The following SUGCT variants were observed in gnomAD, a reference collection of about 807,000 sequenced individuals.
SUGCT encodes succinyl-CoA:glutarate-CoA transferase.
In SUGCT, 41 loss-of-function variants were observed where a neutral mutation model predicts 55.0. That is an observed-to-expected ratio of 0.74 (90% CI 0.58 to 0.97). SUGCT has a LOEUF of 0.97. Among genes scored for constraint, SUGCT ranks in the 50% least tolerant of loss-of-function variants. The pLI is 0.00. For missense variants in SUGCT, 568 were observed against 547.8 expected (o/e 1.04, Z -0.37); for synonymous variants, 187 against 200.4 (o/e 0.93, Z 0.56).
chr7:40,414,479 G>T (rs968945281), intron 9 of SUGCT, among the ~76,000 whole-genome samples: 3 of 152,110 alleles, frequency 2.0e-5, no homozygotes, highest in Non-Finnish European at 4.4e-5. Flanking sequence ...AAGCAGATGA[G>T]GGGGGACTAC....
chr7:40,520,129 G>A (rs1018127505), intron 12 of SUGCT, among the ~76,000 whole-genome samples: 1 of 152,108 alleles, frequency 6.6e-6, no homozygotes, highest in Admixed American at 6.6e-5. Flanking sequence ...TCCGACTTAA[G>A]AGTTGACCAT....
intron 8 of SUGCT, among the ~76,000 whole-genome samples, chr7:40,297,760 C>T (rs949648130): frequency 3.3e-5 from 5 of 152,078 alleles, no homozygotes; most frequent in Non-Finnish European, 5.9e-5. Context: ...ACAAACTGCT[C>T]TTGACTCTAA....
chr7:40,378,975 T>G (rs1250143913), intron 9 of SUGCT, among the ~76,000 whole-genome samples: 5 of 152,180 alleles, frequency 3.3e-5, no homozygotes, highest in Non-Finnish European at 5.9e-5. Flanking sequence ...GTTAAGGATC[T>G]TGAGGGGTGG....
chr7:40,438,824 C>A (rs570853247), intron 9 of SUGCT, among the ~76,000 whole-genome samples: 1 of 151,472 alleles, frequency 6.6e-6, no homozygotes, highest in South Asian at 2.1e-4. Context: ...GTGAGGCAAC[C>A]AACAGAATGA....
At chr7:40,777,824 G>A (rs1218782809) in intron 13 of SUGCT, among the ~76,000 whole-genome samples, 2 of 152,118 alleles carry the variant, frequency 1.3e-5, no homozygotes, top group Non-Finnish European at 2.9e-5. Context: ...CCTGGGAGAA[G>A]CCAAACGACC....
At chr7:40,739,284 A>G (rs1042251285) in intron 12 of SUGCT, among the ~76,000 whole-genome samples, 6 of 152,012 alleles carry the variant, frequency 3.9e-5, no homozygotes, top group African/African-American at 1.4e-4. Context: ...GAGACCCCCA[A>G]TCTGTTCTCT....
At chr7:40,159,989 G>A (rs1784069484) in intron 1 of SUGCT, among the ~76,000 whole-genome samples, 1 of 152,208 alleles carries the variant, frequency 6.6e-6, no homozygotes, top group South Asian at 2.1e-4. Flanking sequence ...AAGCATGCTT[G>A]ATATGGCCTT....
chr7:40,143,000 T>C (rs1475324750), intron 1 of SUGCT, among the ~76,000 whole-genome samples: 2 of 152,230 alleles, frequency 1.3e-5, no homozygotes, highest in East Asian at 3.8e-4. Flanking sequence ...TTTTGGGGTT[T>C]AAATTGATCT....
At chr7:40,553,119 T>G (rs1477325834) in intron 12 of SUGCT, among the ~76,000 whole-genome samples, 1 of 152,242 alleles carries the variant, frequency 6.6e-6, no homozygotes, top group East Asian at 1.9e-4. Flanking sequence ...TAATTACTTT[T>G]GGACTTGTGT....
At chr7:40,262,495 C>CA (rs67739412) in intron 7 of SUGCT, among the ~76,000 whole-genome samples, 50,538 of 121,740 alleles carry the variant, frequency 0.42, 10,108 homozygotes, top group East Asian at 0.48. Context: ...ACCGAAAATA[C>CA]AAAAAAAAAA....
chr7:40,832,974 T>C (rs1373315672), intron 13 of SUGCT, among the ~76,000 whole-genome samples: 2 of 151,964 alleles, frequency 1.3e-5, no homozygotes, highest in Non-Finnish European at 2.9e-5. Context: ...GTGCCGGGCC[T>C]CTTCCACTCC....
At chr7:40,321,913 G>T (rs1475864336) in intron 9 of SUGCT, among the ~76,000 whole-genome samples, 1 of 152,122 alleles carries the variant, frequency 6.6e-6, no homozygotes, top group African/African-American at 2.4e-5. Context: ...GTATCTTTTT[G>T]AGATCTTGAT....
At chr7:40,647,165 G>C (rs1800559401) in intron 12 of SUGCT, among the ~76,000 whole-genome samples, 1 of 152,158 alleles carries the variant, frequency 6.6e-6, no homozygotes, top group Non-Finnish European at 1.5e-5. Context: ...GTAACTGAAA[G>C]TCTCTAACAT....
intron 7 of SUGCT, among the ~76,000 whole-genome samples, chr7:40,261,812 T>A (rs1021913061): frequency 2.0e-5 from 3 of 152,230 alleles, no homozygotes; most frequent in Non-Finnish European, 4.4e-5. Context: ...AGCCATTGAC[T>A]TTTACATTTG....
chr7:40,294,703 C>A (rs760528415), intron 8 of SUGCT, among the ~76,000 whole-genome samples: 2 of 152,124 alleles, frequency 1.3e-5, no homozygotes, highest in Middle Eastern at 6.8e-3. Context: ...CCCACCACCA[C>A]GCCCGGCTAG....
chr7:40,401,402 C>G (rs1401791784), intron 9 of SUGCT, among the ~76,000 whole-genome samples: 1 of 152,166 alleles, frequency 6.6e-6, no homozygotes, highest in African/African-American at 2.4e-5. Context: ...TGCTCTACAA[C>G]TCTGTTAAGT....
chr7:40,898,549 C>T, the SUGCT span, among the ~76,000 whole-genome samples: 7 of 143,228 alleles, frequency 4.9e-5, 1 homozygote, highest in South Asian at 1.6e-3. Flanking sequence ...CAGTGAAACC[C>T]CAGATCTACT....
Position 40,759,107 on chromosome 7 carries a change from G to A in SUGCT, c.1153+9610G>A, listed in dbSNP as rs566756718. ...AAAAACTAAAGAAGCACTACCCTCCGTAGACTTAAAGAATATCTGCAACAG... is the reference window on the plus strand; with the variant it reads ...AAAAACTAAAGAAGCACTACCCTCCATAGACTTAAAGAATATCTGCAACAG... On this transcript the variant is annotated intron_variant, in intron 13 of 13. Coordinates refer to ENST00000335693, the MANE Select transcript of SUGCT (RefSeq NM_001193313.2). Among the ~76,000 whole-genome samples, 100 of 152,244 alleles carry A rather than the reference G, an allele frequency of 6.6e-4. 1 individual carries two copies. Among genetic ancestry groups the A allele is most frequent in the Middle Eastern group, 3.4e-3 (1 of 294 alleles).
chr7:40,485,417 CTTTTTTTTTTT>C (rs397889166), intron 11 of SUGCT, among the ~76,000 whole-genome samples: 5 of 74,442 alleles, frequency 6.7e-5, no homozygotes, highest in East Asian at 4.3e-4. Flanking sequence ...TATATACATT[CTTTTTTTTTTT>C]TTTTTTTTTT....
Sources: gnomAD v4.1 joint callset for allele counts (sites outside exome capture counted in the v4.1 genomes callset) on GRCh38, gnomAD v4.1.1 for gene constraint, MANE v1.5 for transcripts, NCBI Gene and HGNC (gene_info 2026-07-23, HGNC 2026-07-21) for gene names.